Variants in COMT observed in about 807,000 individuals in gnomAD.
COMT encodes the protein catechol-O-methyltransferase.
Under a neutral mutation model 18.9 loss-of-function variants are expected in COMT, and 13 were observed. The ratio of observed to expected loss-of-function variants is 0.69; its 90% CI spans 0.45 to 1.09. The LOEUF (loss-of-function observed/expected upper bound fraction) is 1.09. COMT is among the 50% of genes least tolerant of loss of function. COMT has a pLI of 0.00. For missense variants in COMT, 329 were observed against 361.8 expected (o/e 0.91, Z 0.73); for synonymous variants, 150 against 160.9 (o/e 0.93, Z 0.51).
At chr22:19,965,937 C>T (rs1434690598) in intron 5 of COMT, among the ~76,000 whole-genome samples, 2 of 152,212 alleles carry the variant, frequency 1.3e-5, no homozygotes, top group Admixed American at 1.3e-4. Context: ...GGCACTCAGC[C>T]AGATGGGCTT....
intron 1 of COMT, among the ~76,000 whole-genome samples, chr22:19,958,482 A>G (rs1942114026): frequency 6.6e-6 from 1 of 151,360 alleles, no homozygotes; most frequent in African/African-American, 2.4e-5. Context: ...TAACTTTTTG[A>G]AGAACTACCA....
At chr22:19,962,445 T>C in intron 2 of COMT, 82 bp from the exon 3 acceptor site, 1 of 1,539,644 alleles carries the variant, frequency 6.5e-7, no homozygotes, top group Non-Finnish European at 8.7e-7. Flanking sequence ...AAGGGGGCGA[T>C]GGTGGCACTC....
chr22:19,946,219 G>A (rs552907432), intron 1 of COMT, among the ~76,000 whole-genome samples: 24 of 152,168 alleles, frequency 1.6e-4, no homozygotes, highest in Admixed American at 1.4e-3. Flanking sequence ...AGGTGCAGTG[G>A]CTCAGGCCTG....
chr22:19,967,634 G>A (rs9306235), intron 5 of COMT: 15,872 of 310,602 alleles, frequency 0.051, 536 homozygotes, highest in Non-Finnish European at 0.072. Flanking sequence ...ATGTGGGGTC[G>A]GATACCAGTG....
At chr22:19,949,289 ACCAT>A (rs1434694444) in intron 1 of COMT, among the ~76,000 whole-genome samples, 19 of 152,090 alleles carry the variant, frequency 1.2e-4, no homozygotes, top group Admixed American at 3.3e-4. Context: ...GGCATGTACC[ACCAT>A]GCCAGGCTAA....
chr22:19,954,180 C>T (rs74451762), intron 1 of COMT, among the ~76,000 whole-genome samples: 6,469 of 141,542 alleles, frequency 0.046, 225 homozygotes, highest in Non-Finnish European at 0.067. Flanking sequence ...GTGTGCAGTC[C>T]GTGTGAAAGC....
chr22:19,955,348 G>A (rs1407341608), intron 1 of COMT, among the ~76,000 whole-genome samples: 3 of 152,220 alleles, frequency 2.0e-5, no homozygotes, highest in African/African-American at 4.8e-5. Context: ...CTGCCCAAGC[G>A]TGTGGCCTAC....
chr22:19,969,160 C>G lies in COMT; in HGVS notation c.*424C>G, dbSNP rs1420692003. 1 of 186,862 alleles carries G rather than the reference C, an allele frequency of 5.4e-6. No homozygotes were observed. The highest frequency in any genetic ancestry group is 2.4e-5 in the African/African-American group (1 of 41,870). 11.6% of individuals were successfully genotyped at this position (186,862 alleles called of 1,614,324 possible). Reference sequence around the variant, plus strand: ...CCCTAGCTGGCTGGGTTCTGGGTGGCACGCCTGGCCCACTGGCCTCCCAGC... The same window carrying G: ...CCCTAGCTGGCTGGGTTCTGGGTGGGACGCCTGGCCCACTGGCCTCCCAGC... On this transcript the variant is annotated 3_prime_UTR_variant, in exon 6 of 6. Coordinates refer to ENST00000361682, the MANE Select transcript of COMT (RefSeq NM_000754.4).
intron 1 of COMT, among the ~76,000 whole-genome samples, chr22:19,957,706 GGCACGATCATGCCT>G (rs1246493860): frequency 6.6e-6 from 1 of 152,236 alleles, no homozygotes; most frequent in Non-Finnish European, 1.5e-5. Flanking sequence ...GTGCTGTGTG[GGCACGATCATGCCT>G]GCCCTCTACT....
chr22:19,957,068 A>G (rs1263367441), intron 1 of COMT, among the ~76,000 whole-genome samples: 2 of 150,718 alleles, frequency 1.3e-5, no homozygotes, highest in Non-Finnish European at 2.9e-5. Context: ...CTCCTGCCTC[A>G]GCCTCCCGAG....
chr22:19,952,025 C>A (rs191573906), intron 1 of COMT, among the ~76,000 whole-genome samples: 12 of 152,330 alleles, frequency 7.9e-5, no homozygotes, highest in Non-Finnish European at 1.5e-4. Flanking sequence ...AAGCCATGTG[C>A]AGTATGGCTT....
intron 1 of COMT, among the ~76,000 whole-genome samples, chr22:19,954,231 A>AAT (rs3841769): frequency 6.7e-6 from 1 of 150,020 alleles, no homozygotes; most frequent in Non-Finnish European, 1.5e-5. Context: ...AAAAAAAAAA[A>AAT]GCCTTCCCCT....
intron 3 of COMT, 45 bp from the exon 4 acceptor site, chr22:19,963,521 C>G (rs1942252184): frequency 6.2e-7 from 1 of 1,601,778 alleles, no homozygotes; most frequent in African/African-American, 1.3e-5. Flanking sequence ...AAGTTCCCCT[C>G]TCTCCACCTG....
intron 5 of COMT, 24 bp from the exon 6 acceptor site, chr22:19,968,512 C>T (rs745909655): frequency 3.1e-6 from 5 of 1,610,128 alleles, no homozygotes; most frequent in South Asian, 1.1e-5. Context: ...CCCTCACCTC[C>T]CCCACCCCCC....
intron 1 of COMT, among the ~76,000 whole-genome samples, chr22:19,952,116 A>G (rs174691): frequency 0.65 from 99,472 of 152,088 alleles, 34,316 homozygotes; most frequent in Non-Finnish European, 0.78. Flanking sequence ...CCTGGGCAAC[A>G]TAGCAAGACG....
intron 5 of COMT, among the ~76,000 whole-genome samples, chr22:19,967,921 G>C (rs1047093054): frequency 5.9e-5 from 9 of 152,372 alleles, no homozygotes; most frequent in Admixed American, 1.3e-4. Context: ...ATGGCTGCGT[G>C]TCCAGTAACA....
intron 1 of COMT, among the ~76,000 whole-genome samples, chr22:19,942,944 C>T (rs1006803151): frequency 7.9e-5 from 12 of 152,220 alleles, no homozygotes; most frequent in African/African-American, 2.7e-4. Context: ...CCCACAGAGA[C>T]TGGGAGACAG....
At position 19,969,891 on chromosome 22, in the gene COMT, A is replaced by G. The variant is rs1601553485; in HGVS notation, c.*1155A>G. 2 of 985,362 alleles carry G rather than the reference A, an allele frequency of 2.0e-6. No homozygotes were observed. The highest frequency in any genetic ancestry group is 2.3e-4 in the East Asian group (2 of 8,822). The allele number at this position is 985,362 out of a possible 1,614,324, so 61.0% of individuals were successfully genotyped here. On this transcript the variant is annotated 3_prime_UTR_variant, in exon 6 of 6. Transcript: ENST00000361682. ...TGCCAGACCTGAGTGGCAGAAAGCAAAAAGTTCCTTTGCTGCTTTAATTTT... is the reference window on the plus strand; with the variant it reads ...TGCCAGACCTGAGTGGCAGAAAGCAGAAAGTTCCTTTGCTGCTTTAATTTT...
intron 1 of COMT, among the ~76,000 whole-genome samples, chr22:19,954,847 G>T (rs947609057): frequency 6.6e-6 from 1 of 152,200 alleles, no homozygotes; most frequent in Admixed American, 6.5e-5. Flanking sequence ...CTCTTCTCAG[G>T]TGTCACCGGG....
Sources: gnomAD v4.1 joint callset for allele counts (sites outside exome capture counted in the v4.1 genomes callset) on GRCh38, gnomAD v4.1.1 for gene constraint, MANE v1.5 for transcripts, NCBI Gene and HGNC (gene_info 2026-07-23, HGNC 2026-07-21) for gene names.